Variants in SORCS1 observed in about 807,000 individuals in gnomAD.
SORCS1 encodes the protein VPS10 domain-containing receptor SorCS1.
Under a neutral mutation model 146.1 loss-of-function variants are expected in SORCS1, and 60 were observed. The ratio of observed to expected loss-of-function variants is 0.41; its 90% CI spans 0.33 to 0.51. The LOEUF is 0.51. Among genes scored for constraint, SORCS1 ranks in the 20% least tolerant of loss-of-function variants. SORCS1 has a pLI of 0.21. For synonymous variants in SORCS1, 637 were observed against 584.0 expected (o/e 1.09, Z -1.31); for missense variants, 1,352 against 1,487.6 (o/e 0.91, Z 1.50).
chr10:107,053,167 C>T (rs888927628), intron 1 of SORCS1, among the ~76,000 whole-genome samples: 33 of 152,200 alleles, frequency 2.2e-4, no homozygotes, highest in Middle Eastern at 3.4e-3. Flanking sequence ...AAACCCTGTC[C>T]CAAGTCAAAT....
At chr10:106,909,913 C>T (rs1195159079) in intron 2 of SORCS1, among the ~76,000 whole-genome samples, 2 of 152,192 alleles carry the variant, frequency 1.3e-5, no homozygotes, top group African/African-American at 4.8e-5. Flanking sequence ...ATGGTTAAGT[C>T]TCCAGAGCTT....
chr10:106,681,886 G>A (rs568238998), intron 10 of SORCS1, among the ~76,000 whole-genome samples: 18 of 152,246 alleles, frequency 1.2e-4, no homozygotes, highest in African/African-American at 4.1e-4. Flanking sequence ...CCAGCACTTC[G>A]GGAGGCCAAG....
intron 1 of SORCS1, among the ~76,000 whole-genome samples, chr10:107,103,014 C>T (rs954585174): frequency 2.0e-4 from 30 of 152,266 alleles, no homozygotes; most frequent in African/African-American, 6.5e-4. Flanking sequence ...CTATCTAATT[C>T]GTTCTACCCC....
At chr10:107,078,683 A>T (rs1963085555) in intron 1 of SORCS1, among the ~76,000 whole-genome samples, 1 of 152,050 alleles carries the variant, frequency 6.6e-6, no homozygotes, top group Non-Finnish European at 1.5e-5. Context: ...GTACTTGATC[A>T]TTTTTCAGGA....
chr10:106,605,093 C>T (rs1470421031), intron 23 of SORCS1, among the ~76,000 whole-genome samples: 2 of 152,208 alleles, frequency 1.3e-5, no homozygotes, highest in East Asian at 1.9e-4. Flanking sequence ...AATTCTAAGT[C>T]ACACAGCCTT....
intron 10 of SORCS1, among the ~76,000 whole-genome samples, chr10:106,685,832 G>A (rs1056554920): frequency 9.2e-5 from 14 of 152,068 alleles, no homozygotes; most frequent in Non-Finnish European, 1.9e-4. Context: ...GAAGGGATAC[G>A]ATCTGATTTT....
At chr10:106,897,399 T>C (rs1951531628) in intron 2 of SORCS1, among the ~76,000 whole-genome samples, 1 of 152,202 alleles carries the variant, frequency 6.6e-6, no homozygotes, top group African/African-American at 2.4e-5. Context: ...CATGATCAAT[T>C]TGCTGTTGCC....
intron 2 of SORCS1, among the ~76,000 whole-genome samples, chr10:106,941,336 A>G (rs1012569143): frequency 3.3e-5 from 5 of 152,190 alleles, no homozygotes; most frequent in African/African-American, 1.2e-4. Flanking sequence ...ACTCAACATC[A>G]GTGTCACCAT....
intron 6 of SORCS1, among the ~76,000 whole-genome samples, chr10:106,726,189 T>C (rs1243213796): frequency 1.4e-5 from 2 of 141,366 alleles, no homozygotes; most frequent in African/African-American, 5.3e-5. Context: ...CCCTCTCTTT[T>C]TTTTTTTTTT....
chr10:106,595,381 A>G (rs746384269), intron 24 of SORCS1, among the ~76,000 whole-genome samples: 4 of 151,882 alleles, frequency 2.6e-5, no homozygotes, highest in Non-Finnish European at 5.9e-5. Context: ...TGCTCCTTAC[A>G]CTCATCTTTT....
intron 2 of SORCS1, among the ~76,000 whole-genome samples, chr10:106,950,440 A>G (rs1402802393): frequency 6.6e-6 from 1 of 152,184 alleles, no homozygotes; most frequent in Non-Finnish European, 1.5e-5. Flanking sequence ...ACTTGTAAAG[A>G]ATAAGGGCTC....
At chr10:107,124,501 C>T (rs1299043656) in intron 1 of SORCS1, among the ~76,000 whole-genome samples, 1 of 152,062 alleles carries the variant, frequency 6.6e-6, no homozygotes, top group Non-Finnish European at 1.5e-5. Flanking sequence ...TGAAAACTAG[C>T]TCCAAAATGC....
chr10:106,679,671 C>T lies in SORCS1; in HGVS notation c.1624G>A (p.Ala542Thr). The change falls in exon 11 of 26, where the codon GCC (alanine) becomes ACC (threonine). Residue 542 changes from alanine to threonine, a missense_variant. Ala to Thr is a moderately conservative substitution (Grantham distance 58). This residue lies in a region of SORCS1 where 648 missense variants were observed against 793.8 expected (regional missense o/e 0.82). Transcript: ENST00000263054. ...SENPYTSGII[A>T]SKDTAPSIIV... ...ATGCTTGGAGCTGTGTCTTTGCTGGCAATGATCCCTGATGTGTAGGGATTC... is the reference window on the plus strand; with the variant it reads ...ATGCTTGGAGCTGTGTCTTTGCTGGTAATGATCCCTGATGTGTAGGGATTC... 1 of 1,612,770 alleles carries T rather than the reference C, an allele frequency of 6.2e-7. No individual in the cohort carries two copies. The highest frequency in any genetic ancestry group is 8.5e-7 in the Non-Finnish European group (1 of 1,179,358).
intron 1 of SORCS1, among the ~76,000 whole-genome samples, chr10:107,022,162 T>G (rs1336778922): frequency 6.6e-6 from 1 of 152,104 alleles, no homozygotes; most frequent in African/African-American, 2.4e-5. Context: ...AAGCAAGTGG[T>G]TCTTGGCATA....
chr10:106,610,833 C>G (rs1019285588), intron 22 of SORCS1, among the ~76,000 whole-genome samples: 1 of 152,186 alleles, frequency 6.6e-6, no homozygotes, highest in Non-Finnish European at 1.5e-5. Context: ...AATCCCAACA[C>G]TTTGGGAGGC....
intron 4 of SORCS1, among the ~76,000 whole-genome samples, chr10:106,771,357 G>A (rs1860009227): frequency 6.6e-6 from 1 of 152,150 alleles, no homozygotes; most frequent in South Asian, 2.1e-4. Flanking sequence ...TTATAGCACA[G>A]TTTGTACACT....
chr10:106,704,466 C>T (rs1414638455), intron 8 of SORCS1, among the ~76,000 whole-genome samples: 2 of 152,192 alleles, frequency 1.3e-5, no homozygotes, highest in African/African-American at 2.4e-5. Context: ...CCAAGGCAGG[C>T]GGATCACGAG....
intron 1 of SORCS1, among the ~76,000 whole-genome samples, chr10:107,053,027 G>A (rs1176938264): frequency 6.6e-6 from 1 of 152,024 alleles, no homozygotes; most frequent in East Asian, 1.9e-4. Context: ...TCTGAATATG[G>A]CAAAACCATG....
At chr10:107,148,405 G>A (rs584852) in intron 1 of SORCS1, among the ~76,000 whole-genome samples, 32,829 of 152,118 alleles carry the variant, frequency 0.22, 4,286 homozygotes, top group African/African-American at 0.37. Context: ...CCATGTTCCA[G>A]TAAGATTTTA....
Sources: gnomAD v4.1 joint callset for allele counts (sites outside exome capture counted in the v4.1 genomes callset) on GRCh38, gnomAD v4.1.1 for gene constraint, gnomAD v4.1.1 regional missense constraint, MANE v1.5 for transcripts, NCBI Gene and HGNC (gene_info 2026-07-23, HGNC 2026-07-21) for gene names.